Variants in GNB1 observed in about 807,000 individuals in gnomAD.
The protein encoded by GNB1 is G protein subunit beta 1.
A neutral mutation model predicts 42.9 loss-of-function variants in GNB1; 2 were observed. That is an observed-to-expected ratio of 0.05 (90% CI 0.02 to 0.15). The LOEUF (loss-of-function observed/expected upper bound fraction) is 0.15. Among genes scored for constraint, GNB1 ranks in the 10% least tolerant of loss-of-function variants. The pLI is 1.00. For missense variants in GNB1, 193 were observed against 462.2 expected (o/e 0.42, Z 5.34); for synonymous variants, 183 against 174.7 (o/e 1.05, Z -0.38).
At chr1:1,887,097 G>A (rs1425747701) in intron 1 of GNB1, among the ~76,000 whole-genome samples, 2 of 152,158 alleles carry the variant, frequency 1.3e-5, no homozygotes, top group Non-Finnish European at 2.9e-5. Context: ...AACATGGCCT[G>A]CCATATGGTC....
intron 1 of GNB1, among the ~76,000 whole-genome samples, chr1:1,883,253 T>C (rs1012252283): frequency 6.0e-5 from 8 of 133,370 alleles, no homozygotes; most frequent in African/African-American, 8.6e-5. Flanking sequence ...CACTCCAGCC[T>C]GGGTGACACA....
intron 1 of GNB1, among the ~76,000 whole-genome samples, chr1:1,868,947 G>A (rs879710451): frequency 1.3e-5 from 2 of 151,716 alleles, no homozygotes; most frequent in Non-Finnish European, 2.9e-5. Context: ...CACTTTGGGA[G>A]GCTGAGGTGG....
intron 1 of GNB1, among the ~76,000 whole-genome samples, chr1:1,871,695 T>G (rs1649259412): frequency 1.3e-5 from 2 of 152,180 alleles, no homozygotes; most frequent in African/African-American, 4.8e-5. Flanking sequence ...CATTTTGAGC[T>G]TCAGATATTC....
At chr1:1,850,333 T>A (rs1421598653) in intron 1 of GNB1, among the ~76,000 whole-genome samples, 1 of 151,984 alleles carries the variant, frequency 6.6e-6, no homozygotes, top group African/African-American at 2.4e-5. Context: ...GGTTTCTCCA[T>A]GTTGGTCAGG....
intron 5 of GNB1, among the ~76,000 whole-genome samples, chr1:1,811,216 C>T (rs976007081): frequency 5.9e-5 from 9 of 151,688 alleles, no homozygotes; most frequent in Non-Finnish European, 7.4e-5. Flanking sequence ...CTCTTGAGTG[C>T]AGCTGAAACT....
intron 5 of GNB1, among the ~76,000 whole-genome samples, chr1:1,809,650 G>C (rs1194438293): frequency 6.6e-6 from 1 of 152,112 alleles, no homozygotes; most frequent in Non-Finnish European, 1.5e-5. Context: ...CCTTTACAGA[G>C]GTCTCCCGGT....
At chr1:1,837,155 TTCTA>T (rs1192031895) in intron 2 of GNB1, among the ~76,000 whole-genome samples, 2 of 152,304 alleles carry the variant, frequency 1.3e-5, no homozygotes, top group East Asian at 1.9e-4. Context: ...CTTTTACGCA[TTCTA>T]TCTTTGATCT....
Position 1,875,221 on chromosome 1 carries a change from T to C in GNB1, c.-96+15599A>G, listed in dbSNP as rs540012818. Among the ~76,000 whole-genome samples, 31 of 152,014 alleles carry C rather than the reference T, an allele frequency of 2.0e-4. No individual in the cohort carries two copies. The South Asian group carries it at 5.2e-3, about 25-fold the overall frequency. The stretch of plus-strand genomic sequence containing the variant: ...GTTTTTTTTTTTTGGAGACAAAGTC[T>C]TGCTCTGCCTACCAGTCTGGAGTGT... On this transcript the variant is annotated intron_variant, in intron 1 of 11. Transcript: ENST00000378609.
In GNB1 at chr1:1,817,817, G is replaced by A. The variant is rs199518971; in HGVS notation, c.96+20C>T. On this transcript the variant is annotated intron_variant, in intron 4 of 11. Coordinates refer to ENST00000378609, the MANE Select transcript of GNB1 (RefSeq NM_002074.5). ...CCTCCTCACAGGCAGATGGCTCTGC[G>A]TGACTCAGTGGGCTCTTACCTGAGA... is the stretch of plus-strand genomic sequence containing the variant. 1.7e-5 allele frequency: 27 copies of A among 1,591,818 alleles called. No homozygotes were observed. The highest frequency in any genetic ancestry group is 1.3e-4 in the South Asian group (12 of 90,642).
chr1:1,850,101 G>A (rs1647900419), intron 1 of GNB1, among the ~76,000 whole-genome samples: 1 of 151,600 alleles, frequency 6.6e-6, no homozygotes, highest in African/African-American at 2.4e-5. Context: ...GAGTAGCTGG[G>A]ATTACAGGTG....
chr1:1,843,330 C>A (rs1160629469), intron 1 of GNB1, among the ~76,000 whole-genome samples: 1 of 152,170 alleles, frequency 6.6e-6, no homozygotes, highest in Non-Finnish European at 1.5e-5. Context: ...GGTGATCCTC[C>A]TGCCTCAGCC....
At chr1:1,883,647 CAGACACAGA>C (rs914645005) in intron 1 of GNB1, among the ~76,000 whole-genome samples, 5 of 152,206 alleles carry the variant, frequency 3.3e-5, no homozygotes, top group Non-Finnish European at 5.9e-5. Context: ...CAGATAAGGA[CAGACACAGA>C]AGTCCTAACA....
chr1:1,876,587 T>C (rs1019205014), intron 1 of GNB1, among the ~76,000 whole-genome samples: 3 of 152,090 alleles, frequency 2.0e-5, no homozygotes, highest in African/African-American at 7.2e-5. Context: ...TCTCACTATG[T>C]TGCCTAGGCT....
At chr1:1,823,505 A>G (rs932875204) in intron 3 of GNB1, among the ~76,000 whole-genome samples, 7 of 152,226 alleles carry the variant, frequency 4.6e-5, no homozygotes, top group Admixed American at 1.3e-4. Context: ...GAATAATTTT[A>G]TATCAAACTA....
At chr1:1,838,449 CTT>C (rs112843995) in intron 2 of GNB1, among the ~76,000 whole-genome samples, 3 of 141,546 alleles carry the variant, frequency 2.1e-5, no homozygotes, top group Non-Finnish European at 1.5e-5. Context: ...TTTTTCTTTT[CTT>C]TTTTTTTTTT....
intron 9 of GNB1, among the ~76,000 whole-genome samples, chr1:1,789,701 A>C (rs1220723170): frequency 3.3e-5 from 5 of 151,278 alleles, no homozygotes; most frequent in Non-Finnish European, 7.4e-5. Flanking sequence ...GTCTCAAAAA[A>C]AAAAAAAAAA....
intron 1 of GNB1, among the ~76,000 whole-genome samples, chr1:1,882,578 TA>T (rs752362544): frequency 6.6e-6 from 1 of 151,400 alleles, no homozygotes; most frequent in Non-Finnish European, 1.5e-5. Flanking sequence ...TTGGTGAAAT[TA>T]AAAAAAAATC....
chr1:1,890,875 G>T lies in GNB1; in HGVS notation c.-151C>A. ...CACACCGCCGCCTCGGCCGCCGCTCGGCAGGTCGTCGCGCTCGGGCCGCGC... is the reference window on the plus strand; with the variant it reads ...CACACCGCCGCCTCGGCCGCCGCTCTGCAGGTCGTCGCGCTCGGGCCGCGC... On this transcript the variant is annotated 5_prime_UTR_variant, in exon 1 of 12. Coordinates refer to ENST00000378609, the MANE Select transcript of GNB1 (RefSeq NM_002074.5). The T allele has an allele frequency of 6.8e-6, 1 of 147,046 alleles. No homozygotes were observed. The highest frequency in any genetic ancestry group is 1.9e-4 in the South Asian group (1 of 5,136). The allele number at this position is 147,046 out of a possible 1,614,324, so 9.1% of individuals were successfully genotyped here.
At position 1,881,427 on chromosome 1, in the gene GNB1, TC is replaced by T. The variant is rs202057429; in HGVS notation, c.-96+9392del. Reference sequence around the variant, plus strand: ...CTCTCGAGGTAAAAGTTCATTTTTTTCTTTTTTTTTGAGTCTCACACTGTCA... The same window carrying T: ...CTCTCGAGGTAAAAGTTCATTTTTTTTTTTTTTTTGAGTCTCACACTGTCA... On this transcript the variant is annotated intron_variant, in intron 1 of 11. Coordinates refer to ENST00000378609, the MANE Select transcript of GNB1 (RefSeq NM_002074.5). Among the ~76,000 whole-genome samples the T allele has an allele frequency of 6.1e-3, 725 of 118,060 alleles. 3 individuals carry two copies. Among genetic ancestry groups the T allele is most frequent in the African/African-American group, 0.015 (587 of 40,250 alleles). 77.5% of individuals were successfully genotyped at this position (118,060 alleles called of 152,430 possible).
Sources: gnomAD v4.1 joint callset for allele counts (sites outside exome capture counted in the v4.1 genomes callset) on GRCh38, gnomAD v4.1.1 for gene constraint, MANE v1.5 for transcripts, NCBI Gene and HGNC (gene_info 2026-07-23, HGNC 2026-07-21) for gene names.